The following PRELID2 variants were observed in gnomAD, a reference collection of about 807,000 sequenced individuals.
PRELID2 encodes PRELI domain containing 2.
A neutral mutation model predicts 28.4 loss-of-function variants in PRELID2; 25 were observed. That is an observed-to-expected ratio of 0.88 (90% confidence interval 0.64 to 1.23). The LOEUF (loss-of-function observed/expected upper bound fraction) is 1.23. Among genes scored for constraint, PRELID2 ranks in the 50% most tolerant of loss-of-function variants. The probability of loss-of-function intolerance (pLI) is 0.00; values close to 1 mark genes in which losing one functional copy is unlikely to be tolerated. For synonymous variants in PRELID2, 76 were observed against 71.6 expected (o/e 1.06, Z -0.31); for missense variants, 201 against 214.4 (o/e 0.94, Z 0.39).
chr5:145,469,319 G>A (rs1400188626), downstream of PRELID2, among the ~76,000 whole-genome samples: 1 of 152,016 alleles, frequency 6.6e-6, no homozygotes, highest in African/African-American at 2.4e-5. Flanking sequence ...TAAATCCTGA[G>A]CCATGTCTTT....
chr5:145,442,526 G>A, the PRELID2 span, among the ~76,000 whole-genome samples: 2 of 151,996 alleles, frequency 1.3e-5, no homozygotes, highest in Non-Finnish European at 2.9e-5. Context: ...CTGGGTCAAG[G>A]GGTGTCACCG....
chr5:145,395,463 G>A, the PRELID2 span, among the ~76,000 whole-genome samples: 2 of 152,120 alleles, frequency 1.3e-5, no homozygotes, highest in African/African-American at 4.8e-5. Context: ...GTCCTCTTCA[G>A]AAGGGTAGCC....
At chr5:145,334,970 G>T in the PRELID2 span, among the ~76,000 whole-genome samples, 1 of 151,838 alleles carries the variant, frequency 6.6e-6, no homozygotes, top group Non-Finnish European at 1.5e-5. Context: ...TTCTTGGGTT[G>T]GGGACCTTTG....
chr5:145,659,593 G>A (rs760601675), intron 1 of PRELID2, among the ~76,000 whole-genome samples: 1 of 152,182 alleles, frequency 6.6e-6, no homozygotes, highest in Non-Finnish European at 1.5e-5. Flanking sequence ...TGTGGGGAAG[G>A]CATGGTGGGA....
At chr5:145,571,635 G>A (rs972975887) in intron 1 of PRELID2, among the ~76,000 whole-genome samples, 3 of 152,120 alleles carry the variant, frequency 2.0e-5, no homozygotes, top group African/African-American at 7.2e-5. Context: ...TGATCCAGGA[G>A]AGAATTAACT....
intron 1 of PRELID2, among the ~76,000 whole-genome samples, chr5:145,580,066 A>G (rs1753094531): frequency 6.6e-6 from 1 of 152,108 alleles, no homozygotes; most frequent in Non-Finnish European, 1.5e-5. Context: ...CATTCCAGAA[A>G]TATTTTATGT....
At chr5:145,481,645 A>G (rs1167827758) in intron 1 of PRELID2, among the ~76,000 whole-genome samples, 3 of 146,490 alleles carry the variant, frequency 2.0e-5, no homozygotes, top group Non-Finnish European at 1.5e-5. Flanking sequence ...AAAAAAAAAA[A>G]AAAAAAAAGA....
chr5:145,339,501 T>C, the PRELID2 span, among the ~76,000 whole-genome samples: 3 of 152,166 alleles, frequency 2.0e-5, no homozygotes, highest in African/African-American at 7.2e-5. Context: ...TTGCTCCAGA[T>C]AGAGAACTAA....
the PRELID2 span, chr5:145,228,992 C>A: frequency 2.5e-6 from 4 of 1,598,552 alleles, no homozygotes; most frequent in African/African-American, 2.7e-5. Flanking sequence ...AAAAGGTGTT[C>A]ATTGAGGATG....
At chr5:145,401,315 C>G in the PRELID2 span, among the ~76,000 whole-genome samples, 3 of 145,912 alleles carry the variant, frequency 2.1e-5, no homozygotes, top group Admixed American at 2.0e-4. Context: ...AGTGTTCTTA[C>G]CACAATCAAA....
intron 1 of PRELID2, among the ~76,000 whole-genome samples, chr5:145,525,408 C>T (rs1190243914): frequency 2.6e-5 from 4 of 152,140 alleles, no homozygotes; most frequent in Non-Finnish European, 1.5e-5. Flanking sequence ...TTAATGATAT[C>T]GCCTTTTTAA....
the PRELID2 span, among the ~76,000 whole-genome samples, chr5:145,331,037 T>A: frequency 6.6e-6 from 1 of 152,222 alleles, no homozygotes; most frequent in South Asian, 2.1e-4. Context: ...ATTTACCCAG[T>A]AGTCATTTAG....
In PRELID2 at chr5:145,680,819, C is replaced by T. The variant is rs769839311; in HGVS notation, n.70+84112G>A. 5.9e-5 allele frequency among the ~76,000 whole-genome samples: 9 copies of T among 151,612 alleles called. No homozygotes were observed. In the South Asian group the frequency reaches 1.7e-3, roughly 28 times the overall value. ...GGAGGCCAGAAGGGAAAAAAAAAAG[C>T]GTATAACAAGACTGGGTATGGGAGA... On this transcript the variant is annotated intron_variant and non_coding_transcript_variant, in intron 1 of 2. Coordinates refer to the PRELID2 transcript ENST00000510259.
At chr5:145,457,417 A>C in the PRELID2 span, among the ~76,000 whole-genome samples, 1 of 152,292 alleles carries the variant, frequency 6.6e-6, no homozygotes. Flanking sequence ...TATGTTGGAA[A>C]GCAATGATTG....
At chr5:145,690,558 G>C (rs1043718721) in intron 1 of PRELID2, among the ~76,000 whole-genome samples, 1 of 152,180 alleles carries the variant, frequency 6.6e-6, no homozygotes, top group Admixed American at 6.5e-5. Flanking sequence ...TGAATATAGG[G>C]ATGCTACATC....
At chr5:145,455,141 G>A in the PRELID2 span, among the ~76,000 whole-genome samples, 1 of 152,040 alleles carries the variant, frequency 6.6e-6, no homozygotes, top group African/African-American at 2.4e-5. Flanking sequence ...TCCATCTTGA[G>A]TTAATTTTTG....
intron 1 of PRELID2, among the ~76,000 whole-genome samples, chr5:145,668,189 C>T (rs908295551): frequency 2.0e-5 from 3 of 152,020 alleles, no homozygotes; most frequent in Non-Finnish European, 4.4e-5. Context: ...ACAATCCCTA[C>T]ACAGTGGTGT....
At chr5:145,671,417 T>A (rs1386269201) in intron 1 of PRELID2, among the ~76,000 whole-genome samples, 1 of 152,134 alleles carries the variant, frequency 6.6e-6, no homozygotes, top group Non-Finnish European at 1.5e-5. Context: ...TTAAAAAATT[T>A]TCTGTATTAA....
the PRELID2 span, among the ~76,000 whole-genome samples, chr5:145,279,196 A>G: frequency 6.6e-6 from 1 of 152,194 alleles, no homozygotes; most frequent in Admixed American, 6.5e-5. Context: ...ATTGCTTTCA[A>G]TGGCAAAAAC....
Sources: gnomAD v4.1 joint callset for allele counts (sites outside exome capture counted in the v4.1 genomes callset) on GRCh38, gnomAD v4.1.1 for gene constraint, MANE v1.5 for transcripts, NCBI Gene and HGNC (gene_info 2026-07-23, HGNC 2026-07-21) for gene names.